HDAC9: variants seen among roughly 807,000 people sequenced by gnomAD.
HDAC9 encodes the protein histone deacetylase 9.
In HDAC9, 41 loss-of-function variants were observed where a neutral mutation model predicts 139.4. The ratio of observed to expected loss-of-function variants is 0.29; its 90% CI spans 0.23 to 0.38. The LOEUF (loss-of-function observed/expected upper bound fraction) is 0.38, where lower values mean the gene tolerates loss of function less well. Among genes scored for constraint, HDAC9 ranks in the 10% least tolerant of loss-of-function variants. The pLI, the probability that HDAC9 is intolerant of heterozygous loss-of-function variation, is 1.00. For synonymous variants in HDAC9, 517 were observed against 476.2 expected (o/e 1.09, Z -1.12); for missense variants, 1,147 against 1,297.0 (o/e 0.88, Z 1.78).
intron 2 of HDAC9, among the ~76,000 whole-genome samples, chr7:18,208,672 G>A (rs760590587): frequency 2.0e-5 from 3 of 151,886 alleles, no homozygotes; most frequent in East Asian, 3.9e-4. Context: ...CACTGCACCC[G>A]GCCTGTAATA....
At chr7:18,666,624 T>C (rs548773221) in intron 12 of HDAC9, 148 bp downstream of exon 12, 1 of 1,451,196 alleles carries the variant, frequency 6.9e-7, no homozygotes, top group South Asian at 1.5e-5. Context: ...TTCTACCTAA[T>C]GCAGATATAT....
rs907216457 is a variant in HDAC9 at position 18,649,923 on chromosome 7, C to T, written c.1467+1240C>T. Among the ~76,000 whole-genome samples, 8 of 152,104 alleles carry T rather than the reference C, an allele frequency of 5.3e-5. No homozygotes were observed. In the South Asian group the frequency reaches 1.2e-3, roughly 24 times the overall value. ...CTGGCAGGGACAACTCTCTCTCTAA[C>T]CTTTTAGTATGCATTGCAGACCCTT... is the stretch of plus-strand genomic sequence containing the variant. On this transcript the variant is annotated intron_variant, in intron 11 of 25. Coordinates refer to ENST00000686413, the MANE Select transcript of HDAC9 (RefSeq NM_178425.4).
chr7:18,953,893 G>A (rs1221092181), intron 23 of HDAC9, among the ~76,000 whole-genome samples: 1 of 152,080 alleles, frequency 6.6e-6, no homozygotes, highest in Non-Finnish European at 1.5e-5. Context: ...ATAATGCACA[G>A]ACATGCACCT....
At chr7:18,292,369 G>A (rs898905676) in intron 1 of HDAC9, among the ~76,000 whole-genome samples, 1 of 152,098 alleles carries the variant, frequency 6.6e-6, no homozygotes, top group South Asian at 2.1e-4. Flanking sequence ...GTTCAAACAT[G>A]TGCACTCGAA....
At position 18,166,172 on chromosome 7, in the gene HDAC9, C is replaced by T. The variant is rs554729319; in HGVS notation, c.25+3823C>T. Among the ~76,000 whole-genome samples, 19 of 152,294 alleles carry T rather than the reference C, an allele frequency of 1.2e-4. No individual in the cohort carries two copies. In the South Asian group the frequency reaches 3.7e-3, roughly 30 times the overall value. ...TTTCCAAGCATAGAACACAATGTGC[C>T]TGTTGCCCTTAGAATTGTGCAATGC... On this transcript the variant is annotated intron_variant, in intron 2 of 12. Transcript: ENST00000417496.
chr7:18,996,082 A>ATATT lies in HDAC9; in HGVS notation c.*22_*25dup, dbSNP rs769378310. On this transcript the variant is annotated 3_prime_UTR_variant, in exon 26 of 26. Coordinates refer to ENST00000686413, the MANE Select transcript of HDAC9 (RefSeq NM_178425.4). ...TTGTGAAGTGCCAAGTCCCCCTCTG[A>ATATT]TATTTCCTGTGTGTGACATCATTGT... 35 of 1,588,354 alleles carry ATATT rather than the reference A, an allele frequency of 2.2e-5. No individual in the cohort carries two copies. The highest frequency in any genetic ancestry group is 3.0e-5 in the Non-Finnish European group (35 of 1,162,510).
intron 1 of HDAC9, chr7:18,151,687 G>T (rs1786793041): frequency 6.6e-6 from 1 of 152,168 alleles, no homozygotes; most frequent in South Asian, 2.1e-4. Flanking sequence ...TGGCATATTT[G>T]TGAAGCTGTC....
chr7:18,784,958 T>C (rs1290044336), intron 16 of HDAC9, among the ~76,000 whole-genome samples: 1 of 151,738 alleles, frequency 6.6e-6, no homozygotes, highest in African/African-American at 2.4e-5. Context: ...TGTGTGTGTG[T>C]GTGTGTGTGT....
chr7:18,119,337 G>C (rs757848990), intron 1 of HDAC9, among the ~76,000 whole-genome samples: 1 of 152,174 alleles, frequency 6.6e-6, no homozygotes. Flanking sequence ...AGGTCTTAGA[G>C]GCAAAACTGA....
intron 25 of HDAC9, among the ~76,000 whole-genome samples, chr7:18,977,827 C>T (rs1216014952): frequency 6.6e-6 from 1 of 151,536 alleles, no homozygotes; most frequent in Non-Finnish European, 1.5e-5. Flanking sequence ...ACTGAACTCC[C>T]TTTTTCAGCA....
rs1786688951 is a variant in HDAC9, at chr7:18,150,431, T to C, written c.-96-11798T>C. Among the ~76,000 whole-genome samples the C allele has an allele frequency of 2.6e-5, 4 of 152,308 alleles. No homozygotes were observed. In the South Asian group the frequency reaches 6.2e-4, roughly 24 times the overall value. ...AATGGCGATTCTAGAAGCGCTTGTA[T>C]TGACAAAGTGAATTGCATACACACT... On this transcript the variant is annotated intron_variant, in intron 1 of 12. Coordinates refer to the HDAC9 transcript ENST00000417496.
At chr7:18,545,907 C>G (rs1198614895) in intron 2 of HDAC9, among the ~76,000 whole-genome samples, 1 of 152,118 alleles carries the variant, frequency 6.6e-6, no homozygotes, top group Non-Finnish European at 1.5e-5. Context: ...TAAAGCTTGA[C>G]TTTCTTATTC....
intron 6 of HDAC9, among the ~76,000 whole-genome samples, chr7:18,604,333 G>A (rs1475192268): frequency 6.6e-6 from 1 of 151,556 alleles, no homozygotes; most frequent in Non-Finnish European, 1.5e-5. Context: ...TTTTTAGGGA[G>A]TTTCTATTGA....
At chr7:18,467,312 A>G (rs1347092758) in intron 1 of HDAC9, among the ~76,000 whole-genome samples, 1 of 152,150 alleles carries the variant, frequency 6.6e-6, no homozygotes, top group Non-Finnish European at 1.5e-5. Context: ...TCATTGACCT[A>G]TTAATGCTTC....
chr7:18,713,081 T>C (rs1336870140), intron 12 of HDAC9, among the ~76,000 whole-genome samples: 1 of 152,222 alleles, frequency 6.6e-6, no homozygotes, highest in Non-Finnish European at 1.5e-5. Flanking sequence ...GAAGTTAACA[T>C]AACTTGACGC....
intron 1 of HDAC9, among the ~76,000 whole-genome samples, chr7:18,310,944 TAAAA>T (rs1358880539): frequency 2.0e-5 from 3 of 152,086 alleles, no homozygotes; most frequent in African/African-American, 7.2e-5. Context: ...TTTCTATTTC[TAAAA>T]AAAGTTATAT....
intron 13 of HDAC9, among the ~76,000 whole-genome samples, chr7:18,742,394 C>G (rs910242848): frequency 1.3e-5 from 2 of 152,310 alleles, no homozygotes; most frequent in Admixed American, 6.5e-5. Flanking sequence ...ATTATTAGCA[C>G]TTTAGCAATA....
chr7:18,994,949 A>G (rs370167002), intron 25 of HDAC9, among the ~76,000 whole-genome samples: 1 of 152,188 alleles, frequency 6.6e-6, no homozygotes, highest in Admixed American at 6.5e-5. Context: ...AGCATCATCC[A>G]AATATTTTTT....
At chr7:18,822,674 T>C (rs1038328931) in intron 17 of HDAC9, among the ~76,000 whole-genome samples, 6 of 152,140 alleles carry the variant, frequency 3.9e-5, no homozygotes, top group Non-Finnish European at 8.8e-5. Context: ...TTTTATGTCA[T>C]AGGTGAACAG....
Sources: gnomAD v4.1 joint callset for allele counts (sites outside exome capture counted in the v4.1 genomes callset) on GRCh38, gnomAD v4.1.1 for gene constraint, MANE v1.5 for transcripts, NCBI Gene and HGNC (gene_info 2026-07-23, HGNC 2026-07-21) for gene names.